The following ISY1 variants were observed in gnomAD, a reference collection of about 807,000 sequenced individuals.
ISY1 encodes ISY1 spliceosome associated protein.
In ISY1, 12 loss-of-function variants were observed where a neutral mutation model predicts 54.4. That is an observed-to-expected ratio of 0.22 (90% CI 0.14 to 0.36). ISY1 has a LOEUF of 0.36. ISY1 is among the 10% of genes least tolerant of loss of function. The pLI, the probability that ISY1 is intolerant of heterozygous loss-of-function variation, is 1.00. For synonymous variants in ISY1, 96 were observed against 117.9 expected (o/e 0.81, Z 1.20); for missense variants, 282 against 342.2 (o/e 0.82, Z 1.39).
At chr3:129,158,603 C>A in intron 2 of ISY1, 44 bp from the exon 3 acceptor site, 1 of 1,612,942 alleles carries the variant, frequency 6.2e-7, no homozygotes, top group South Asian at 1.1e-5. Flanking sequence ...AGATCCTGCT[C>A]ATACAGACTT....
At chr3:129,130,239 C>G (rs374016503) in intron 10 of ISY1, 51 bp from the exon 11 acceptor site, 10 of 1,531,080 alleles carry the variant, frequency 6.5e-6, no homozygotes, top group Non-Finnish European at 7.9e-6. Context: ...CCCCTCAACC[C>G]CTGCCAGACC....
At chr3:129,141,234 A>AAATAAAT (rs1560017079) in intron 6 of ISY1, among the ~76,000 whole-genome samples, 5 of 136,970 alleles carry the variant, frequency 3.7e-5, no homozygotes, top group African/African-American at 1.6e-4. Flanking sequence ...AATAAATAAA[A>AAATAAAT]AACACTTATG....
intron 10 of ISY1, 54 bp from the exon 11 acceptor site, chr3:129,130,242 G>A: frequency 6.6e-7 from 1 of 1,525,364 alleles, no homozygotes; most frequent in Non-Finnish European, 8.8e-7. Flanking sequence ...CTCAACCCCT[G>A]CCAGACCCAG....
chr3:129,144,714 T>TTG lies in ISY1; in HGVS notation c.300+1045_300+1046dup, dbSNP rs140492592. 6.3e-3 allele frequency among the ~76,000 whole-genome samples: 958 copies of TTG among 151,860 alleles called. 8 individuals carry two copies. The highest frequency in any genetic ancestry group is 0.021 in the African/African-American group (889 of 41,422). On this transcript the variant is annotated intron_variant, in intron 6 of 10. Coordinates refer to ENST00000393295, the MANE Select transcript of ISY1 (RefSeq NM_020701.4). ...AGCACCTTTGTGTGCTGGCTTGTGA[T>TTG]TGTGTGTGTGTGTGTCTGTGTGTGT...
intron 6 of ISY1, among the ~76,000 whole-genome samples, chr3:129,140,935 T>A (rs2107606987): frequency 6.6e-6 from 1 of 151,710 alleles, no homozygotes; most frequent in East Asian, 2.0e-4. Context: ...CTGGATGCAG[T>A]GGCTCACACC....
chr3:129,134,245 T>TCAACACTATGCAGGGAAAGGC (rs756999145), intron 8 of ISY1, 50 bp from the exon 9 acceptor site: 5 of 1,612,276 alleles, frequency 3.1e-6, no homozygotes, highest in Admixed American at 1.7e-5. Flanking sequence ...AAATGAGCTT[T>TCAACACTATGCAGGGAAAGGC]CAACACTATG....
intron 1 of ISY1, among the ~76,000 whole-genome samples, chr3:129,160,283 T>C (rs1937265029): frequency 6.6e-6 from 1 of 152,102 alleles, no homozygotes; most frequent in Non-Finnish European, 1.5e-5. Flanking sequence ...GGGGCTTCAC[T>C]TAATGAAAAT....
At chr3:129,157,665 G>A (rs1190702826) in intron 3 of ISY1, among the ~76,000 whole-genome samples, 5 of 141,132 alleles carry the variant, frequency 3.5e-5, no homozygotes, top group South Asian at 2.4e-4. Context: ...AGGTTACAGT[G>A]AGCCAAGATC....
rs1936124118 is a variant in ISY1 at position 129,127,533 on chromosome 3, C to A, written c.*2548G>T. On this transcript the variant is annotated 3_prime_UTR_variant, in exon 11 of 11. Coordinates refer to ENST00000393295, the MANE Select transcript of ISY1 (RefSeq NM_020701.4). Reference sequence around the variant, plus strand: ...ACACCCACCCAGCCAGCTTCCCCCACCCCCAGCTGTTTCCAGGCCTGGGAC... The same window carrying A: ...ACACCCACCCAGCCAGCTTCCCCCAACCCCAGCTGTTTCCAGGCCTGGGAC... 6.6e-6 allele frequency: 1 copy of A among 152,302 alleles called. No homozygotes were observed. Among genetic ancestry groups the A allele is most frequent in the Admixed American group, 6.5e-5 (1 of 15,274 alleles). The allele number at this position is 152,302 out of a possible 1,614,324, so 9.4% of individuals were successfully genotyped here.
chr3:129,157,012 T>G (rs1309634928), intron 3 of ISY1, 92 bp from the exon 4 acceptor site: 2 of 1,394,150 alleles, frequency 1.4e-6, no homozygotes, highest in African/African-American at 1.4e-5. Context: ...CTAAATCATC[T>G]AATGGCCTAA....
chr3:129,151,626 C>G (rs1576888595), intron 5 of ISY1, among the ~76,000 whole-genome samples: 1 of 151,722 alleles, frequency 6.6e-6, no homozygotes, highest in Non-Finnish European at 1.5e-5. Context: ...GAGACTCCAT[C>G]TCAAAAAAAA....
At position 129,148,421 on chromosome 3, in the gene ISY1, T is replaced by A. The variant is rs553810281; in HGVS notation, c.188-2548A>T. ...CTCACTAGCAGTGCATGAGAGTTCA[T>A]TACTTCACATATTCACCAGCACTTG... On this transcript the variant is annotated intron_variant, in intron 5 of 10. Transcript: ENST00000393295. Among the ~76,000 whole-genome samples, 37 of 152,334 alleles carry A rather than the reference T, an allele frequency of 2.4e-4. 1 individual carries two copies. The South Asian group carries it at 6.6e-3, about 27-fold the overall frequency.
chr3:129,136,895 TTTTTAA>T (rs1218341970), intron 7 of ISY1, among the ~76,000 whole-genome samples: 9 of 147,714 alleles, frequency 6.1e-5, no homozygotes, highest in Non-Finnish European at 8.9e-5. Flanking sequence ...TATTTTTTAT[TTTTTAA>T]TTTTATTTTT....
At chr3:129,143,629 A>C (rs1278887260) in intron 6 of ISY1, among the ~76,000 whole-genome samples, 1 of 151,388 alleles carries the variant, frequency 6.6e-6, no homozygotes, top group African/African-American at 2.4e-5. Flanking sequence ...TAGAATATTA[A>C]TGAATTTCTA....
intron 5 of ISY1, among the ~76,000 whole-genome samples, chr3:129,149,427 CAAAAAAAA>C (rs767849123): frequency 3.3e-3 from 81 of 24,210 alleles, no homozygotes; most frequent in African/African-American, 9.5e-3. Context: ...AACTCTATCT[CAAAAAAAA>C]AAAAAAAAAA....
At chr3:129,130,249 C>A in intron 10 of ISY1, 61 bp from the exon 11 acceptor site, 1 of 1,521,762 alleles carries the variant, frequency 6.6e-7, no homozygotes, top group African/African-American at 1.4e-5. Flanking sequence ...CCTGCCAGAC[C>A]CAGCCAGGAG....
Position 129,142,328 on chromosome 3 carries a change from T to C in ISY1, c.301-1843A>G, listed in dbSNP as rs571142445. On this transcript the variant is annotated intron_variant, in intron 6 of 10. Transcript: ENST00000393295. Reference sequence around the variant, plus strand: ...TTGGGAAAACTGATGAAATGCCACATGGATTCAATTATTGTAGCCAAGTTA... The same window carrying C: ...TTGGGAAAACTGATGAAATGCCACACGGATTCAATTATTGTAGCCAAGTTA... 2.0e-5 allele frequency among the ~76,000 whole-genome samples: 3 copies of C among 152,240 alleles called. No homozygotes were observed. In the South Asian group the frequency reaches 6.2e-4, roughly 32 times the overall value.
In ISY1 at chr3:129,133,022, G is replaced by A. The variant is rs1936278771; in HGVS notation, c.663+1052C>T. On this transcript the variant is annotated intron_variant, in intron 9 of 10. Coordinates refer to ENST00000393295, the MANE Select transcript of ISY1 (RefSeq NM_020701.4). The stretch of plus-strand genomic sequence containing the variant: ...TGATCCCCTCCCTTCTCTCAGTCCA[G>A]CAAATCAGATCCACCTAGACCTGTG... 2.0e-5 allele frequency among the ~76,000 whole-genome samples: 3 copies of A among 152,172 alleles called. 1 individual carries two copies. In the South Asian group the frequency reaches 6.2e-4, roughly 31 times the overall value.
In ISY1 at chr3:129,135,048, G is replaced by GT; in HGVS notation, c.419-95dup. ...GCAACGCTATACACACACGTGGCAC[G>GT]TATGTTCATGAAAATACCAGGTGGG... On this transcript the variant is annotated intron_variant, in intron 7 of 10. Coordinates refer to ENST00000393295, the MANE Select transcript of ISY1 (RefSeq NM_020701.4). 12 of 1,435,404 alleles carry GT rather than the reference G, an allele frequency of 8.4e-6. No homozygotes were observed. The South Asian group carries it at 1.5e-4, about 17-fold the overall frequency. 88.9% of individuals were successfully genotyped at this position (1,435,404 alleles called of 1,614,324 possible).
Sources: gnomAD v4.1 joint callset for allele counts (sites outside exome capture counted in the v4.1 genomes callset) on GRCh38, gnomAD v4.1.1 for gene constraint, MANE v1.5 for transcripts, NCBI Gene and HGNC (gene_info 2026-07-23, HGNC 2026-07-21) for gene names.